WDFY3: variants seen among roughly 807,000 people sequenced by gnomAD.
The protein encoded by WDFY3 is WD repeat and FYVE domain-containing protein 3.
Under a neutral mutation model 409.6 loss-of-function variants are expected in WDFY3, and 66 were observed. The observed-to-expected ratio is 0.16, with a 90% CI of 0.13 to 0.20. WDFY3 has a LOEUF of 0.20. Among genes scored for constraint, WDFY3 ranks in the 10% least tolerant of loss-of-function variants. The pLI, the probability that WDFY3 is intolerant of heterozygous loss-of-function variation, is 1.00. For missense variants in WDFY3, 3,031 were observed against 4,298.1 expected (o/e 0.71, Z 8.24); for synonymous variants, 1,521 against 1,537.1 (o/e 0.99, Z 0.25).
chr4:84,896,374 A>C (rs1447535244), intron 3 of WDFY3, among the ~76,000 whole-genome samples: 1 of 152,148 alleles, frequency 6.6e-6, no homozygotes, highest in Non-Finnish European at 1.5e-5. Flanking sequence ...CATCCAACAC[A>C]AGAAATAGTA....
Position 84,740,268 on chromosome 4 carries a change from T to C in WDFY3, c.6383A>G (p.Asn2128Ser), listed in dbSNP as rs747575054. 9.3e-6 allele frequency: 15 copies of C among 1,613,920 alleles called. No individual in the cohort carries two copies. The East Asian group carries it at 3.1e-4, about 34-fold the overall frequency. Residue 2128 changes from asparagine to serine, a missense_variant, in exon 39 of 68, where the codon AAC becomes AGC. By Grantham distance (46) the Asn-to-Ser change is conservative (BLOSUM62 1). This residue lies in a region of WDFY3 where 314 missense variants were observed against 397.4 expected (regional missense o/e 0.79). Coordinates refer to ENST00000295888, the MANE Select transcript of WDFY3 (RefSeq NM_014991.6). ...DSLRVLTVNR[N>S]LILGPGNHDQ... ...ATGGTTCCCAGGTCCCAGGATCAAG[T>C]TTCTGTTTACAGTGAGGACCCTGAG...
intron 44 of WDFY3, among the ~76,000 whole-genome samples, chr4:84,731,761 G>A (rs1736645012): frequency 6.6e-6 from 1 of 152,106 alleles, no homozygotes; most frequent in Non-Finnish European, 1.5e-5. Flanking sequence ...GTAAACAAAT[G>A]ACATTATTAT....
rs1249270982 is a variant in WDFY3, at chr4:84,772,725, T to C, written c.4849+110A>G. 5.8e-6 allele frequency: 5 copies of C among 858,930 alleles called. 1 individual carries two copies. Among genetic ancestry groups the C allele is most frequent in the Non-Finnish European group, 3.6e-6 (2 of 561,664 alleles). 53.2% of individuals were successfully genotyped at this position (858,930 alleles called of 1,614,324 possible). On this transcript the variant is annotated intron_variant, in intron 30 of 67. Coordinates refer to ENST00000295888, the MANE Select transcript of WDFY3 (RefSeq NM_014991.6). ...AAACGTAATGTAAGGAGAAAAGTTA[T>C]ACATATATTATATATAATCACATGT...
At chr4:84,715,829 T>C (rs1050039457) in intron 49 of WDFY3, among the ~76,000 whole-genome samples, 1 of 147,616 alleles carries the variant, frequency 6.8e-6, no homozygotes, top group Non-Finnish European at 1.5e-5. Context: ...TTTAGAGTCA[T>C]GAATTCCCTG....
At chr4:84,883,344 G>A (rs566184433) in intron 3 of WDFY3, among the ~76,000 whole-genome samples, 5 of 152,102 alleles carry the variant, frequency 3.3e-5, no homozygotes, top group Non-Finnish European at 7.4e-5. Flanking sequence ...GACAATATTT[G>A]AAATATGTGG....
chr4:84,817,965 T>C (rs1020044971), intron 12 of WDFY3, among the ~76,000 whole-genome samples: 2 of 152,138 alleles, frequency 1.3e-5, no homozygotes, highest in Non-Finnish European at 2.9e-5. Flanking sequence ...TGAACATGGC[T>C]TCCAAAATAG....
At chr4:84,696,861 A>C (rs1331434786) in intron 56 of WDFY3, 38 bp from the exon 57 acceptor site, 1 of 1,552,438 alleles carries the variant, frequency 6.4e-7, no homozygotes, top group Non-Finnish European at 8.9e-7. Context: ...AAAAAAAGAA[A>C]GAATGGGATA....
intron 1 of WDFY3, among the ~76,000 whole-genome samples, chr4:84,961,828 A>T (rs934362234): frequency 1.3e-5 from 2 of 152,210 alleles, no homozygotes; most frequent in African/African-American, 4.8e-5. Flanking sequence ...TGAAACTCTC[A>T]GATATTGCTG....
chr4:84,787,164 TG>T (rs1222460690), intron 23 of WDFY3, among the ~76,000 whole-genome samples: 1 of 152,206 alleles, frequency 6.6e-6, no homozygotes, highest in Non-Finnish European at 1.5e-5. Flanking sequence ...TACTTTAAAC[TG>T]CTTCATGTAA....
intron 62 of WDFY3, 80 bp from the exon 63 acceptor site, chr4:84,684,205 G>A: frequency 7.3e-7 from 1 of 1,371,648 alleles, no homozygotes. Flanking sequence ...TGAATCCCTG[G>A]CCTAGTTCTC....
At chr4:84,691,555 C>A in intron 60 of WDFY3, 76 bp downstream of exon 60, 1 of 1,502,498 alleles carries the variant, frequency 6.7e-7, no homozygotes, top group South Asian at 1.3e-5. Context: ...GGGTTCTCCC[C>A]AACCCTATTA....
chr4:84,855,427 A>T (rs1043917474), intron 4 of WDFY3, among the ~76,000 whole-genome samples: 1 of 152,170 alleles, frequency 6.6e-6, no homozygotes, highest in Non-Finnish European at 1.5e-5. Context: ...ATATCCACCT[A>T]AATAGATTTC....
intron 58 of WDFY3, among the ~76,000 whole-genome samples, chr4:84,695,511 G>GAGAGAT (rs1729972310): frequency 1.7e-5 from 1 of 58,918 alleles, no homozygotes; most frequent in African/African-American, 7.4e-5. Context: ...GAGAGAGATA[G>GAGAGAT]AGAGAGAGAG....
intron 2 of WDFY3, among the ~76,000 whole-genome samples, chr4:84,905,497 C>A (rs1480456727): frequency 6.6e-6 from 1 of 152,126 alleles, no homozygotes; most frequent in Non-Finnish European, 1.5e-5. Flanking sequence ...CCATTGGTTC[C>A]ACCTACAGAC....
intron 14 of WDFY3, 151 bp downstream of exon 14, chr4:84,809,736 A>G: frequency 1.5e-6 from 1 of 680,338 alleles, no homozygotes; most frequent in Non-Finnish European, 2.4e-6. Context: ...GAGCAAGAGT[A>G]ATATTCAAAA....
intron 1 of WDFY3, among the ~76,000 whole-genome samples, chr4:84,947,951 T>A (rs1317476866): frequency 6.6e-6 from 1 of 152,118 alleles, no homozygotes; most frequent in Admixed American, 6.5e-5. Flanking sequence ...AACTCTGATA[T>A]CTTCTGTTCA....
intron 47 of WDFY3, among the ~76,000 whole-genome samples, chr4:84,718,851 A>C (rs981087509): frequency 2.0e-5 from 3 of 152,188 alleles, no homozygotes; most frequent in Admixed American, 1.3e-4. Context: ...AGTCAAGAAC[A>C]TTAGATAAGG....
chr4:84,772,993 G>A, intron 29 of WDFY3, 64 bp from the exon 30 acceptor site: 17 of 1,223,520 alleles, frequency 1.4e-5, no homozygotes, highest in South Asian at 8.1e-5. Flanking sequence ...AAACAACAAA[G>A]TACAAAGAAA....
intron 42 of WDFY3, among the ~76,000 whole-genome samples, chr4:84,735,560 A>G (rs1009401058): frequency 6.6e-6 from 1 of 152,194 alleles, no homozygotes; most frequent in Non-Finnish European, 1.5e-5. Flanking sequence ...CCTATGTCCA[A>G]TCCTGCTTTC....
Sources: allele counts gnomAD v4.1 joint callset (sites outside exome capture counted in the v4.1 genomes callset), GRCh38; gene constraint gnomAD v4.1.1; regional missense constraint gnomAD v4.1.1; transcripts MANE v1.5; gene names NCBI Gene and HGNC (gene_info 2026-07-23, HGNC 2026-07-21).